Variants in CHL1 observed in about 807,000 individuals in gnomAD.
CHL1 encodes neural cell adhesion molecule L1-like protein.
CHL1 carries 96 observed loss-of-function variants against 141.9 expected under a neutral mutation model. The observed-to-expected ratio is 0.68, with a 90% CI of 0.57 to 0.80. The LOEUF is 0.80. Among genes scored for constraint, CHL1 ranks in the 30% least tolerant of loss-of-function variants. The probability of loss-of-function intolerance (pLI) is 0.00; values close to 1 mark genes in which losing one functional copy is unlikely to be tolerated. For missense variants in CHL1, 1,820 were observed against 1,457.2 expected, an observed-to-expected ratio of 1.25 and a Z score of -4.05; for synonymous variants, 613 against 502.2, an observed-to-expected ratio of 1.22 and a Z score of -2.95.
At chr3:254,446 G>T (rs1206363877) in intron 2 of CHL1, among the ~76,000 whole-genome samples, 1 of 152,174 alleles carries the variant, frequency 6.6e-6, no homozygotes, top group Non-Finnish European at 1.5e-5. Flanking sequence ...TCCAAGGTAT[G>T]ATCTGAGAAA....
At chr3:235,214 G>T (rs1691849105) in intron 1 of CHL1, among the ~76,000 whole-genome samples, 1 of 151,890 alleles carries the variant, frequency 6.6e-6, no homozygotes, top group Non-Finnish European at 1.5e-5. Context: ...AAGAACAAGA[G>T]TTTGCTTTAA....
intron 20 of CHL1, among the ~76,000 whole-genome samples, chr3:389,846 C>A: frequency 6.6e-6 from 1 of 152,188 alleles, no homozygotes; most frequent in East Asian, 1.9e-4. Context: ...GAGCCACTTG[C>A]TCTCATGCCC....
In CHL1 at chr3:203,013, G is replaced by A. The variant is rs553704560; in HGVS notation, c.-175+5950G>A. Among the ~76,000 whole-genome samples, 261 of 152,278 alleles carry A rather than the reference G, an allele frequency of 1.7e-3. 1 individual carries two copies. The highest frequency in any genetic ancestry group is 6.1e-3 in the African/African-American group (252 of 41,550). ...ACTTTGGGGTTTTGAATATTTCTCT[G>A]TTTTGCCTGCAGACTTCCAATGAGG... is the stretch of plus-strand genomic sequence containing the variant. On this transcript the variant is annotated intron_variant, in intron 1 of 27. Coordinates refer to ENST00000256509, the MANE Select transcript of CHL1 (RefSeq NM_006614.4).
chr3:311,800 C>A (rs1553561971), intron 2 of CHL1, among the ~76,000 whole-genome samples: 1 of 152,132 alleles, frequency 6.6e-6, no homozygotes, highest in Non-Finnish European at 1.5e-5. Context: ...TTTAGTACAT[C>A]TGAGATTTTT....
At chr3:402,727 AC>A (rs1298875086) in intron 27 of CHL1, among the ~76,000 whole-genome samples, 1 of 152,100 alleles carries the variant, frequency 6.6e-6, no homozygotes, top group Non-Finnish European at 1.5e-5. Context: ...CTTAGTCAAT[AC>A]CCTTTTTATA....
Position 277,243 on chromosome 3 carries a change from T to A in CHL1, c.-95+32551T>A, listed in dbSNP as rs567153295. On this transcript the variant is annotated intron_variant, in intron 2 of 27. Transcript: ENST00000256509. ...CTGCTTGAAAACTAAAGGATATTAT[T>A]TGATAAAGTGCTAAGATGTTCTCAG... Among the ~76,000 whole-genome samples, 9 of 152,298 alleles carry A rather than the reference T, an allele frequency of 5.9e-5. No homozygotes were observed. In the South Asian group the frequency reaches 1.9e-3, roughly 32 times the overall value.
At chr3:249,486 C>T (rs187951911) in intron 2 of CHL1, among the ~76,000 whole-genome samples, 8 of 152,206 alleles carry the variant, frequency 5.3e-5, no homozygotes, top group African/African-American at 1.7e-4. Flanking sequence ...GGATAGCATG[C>T]ATTATTAGAA....
At chr3:222,253 A>G (rs1256172018) in intron 1 of CHL1, among the ~76,000 whole-genome samples, 1 of 152,156 alleles carries the variant, frequency 6.6e-6, no homozygotes, top group Non-Finnish European at 1.5e-5. Flanking sequence ...TAGAAGCTCT[A>G]GGGGAGAATC....
intron 2 of CHL1, among the ~76,000 whole-genome samples, chr3:310,688 C>A (rs28615846): frequency 0.077 from 11,703 of 152,206 alleles, 552 homozygotes; most frequent in African/African-American, 0.12. Context: ...GTTATCAACA[C>A]CACCAGCAGT....
intron 2 of CHL1, among the ~76,000 whole-genome samples, chr3:255,866 G>T (rs548263150): frequency 1.3e-5 from 2 of 152,144 alleles, no homozygotes; most frequent in Admixed American, 6.5e-5. Context: ...TCTTTTTAAT[G>T]TCTACCCATT....
chr3:247,884 G>A (rs1693314831), intron 2 of CHL1: 1 of 152,116 alleles, frequency 6.6e-6, no homozygotes, highest in Non-Finnish European at 1.5e-5. Context: ...CTTCAGCAAT[G>A]ATGCTACCCC....
intron 4 of CHL1, 99 bp downstream of exon 4, chr3:326,163 C>A (rs569508508): frequency 7.2e-5 from 49 of 680,174 alleles, no homozygotes; most frequent in African/African-American, 7.1e-4. Flanking sequence ...TATGAATCCA[C>A]GCATGATTAA....
chr3:222,707 A>C (rs1006858914), intron 1 of CHL1, among the ~76,000 whole-genome samples: 1 of 152,192 alleles, frequency 6.6e-6, no homozygotes, highest in Non-Finnish European at 1.5e-5. Flanking sequence ...CTTGAAATAG[A>C]TAATGAGATA....
chr3:270,814 G>C (rs546563659), intron 2 of CHL1, among the ~76,000 whole-genome samples: 1 of 152,222 alleles, frequency 6.6e-6, no homozygotes, highest in South Asian at 2.1e-4. Context: ...CGTAGTGGAC[G>C]TCTGCTGCCA....
intron 2 of CHL1, among the ~76,000 whole-genome samples, chr3:297,864 C>T: frequency 6.6e-6 from 1 of 152,146 alleles, no homozygotes; most frequent in East Asian, 1.9e-4. Context: ...ACTCTTTACC[C>T]TGATGCAGGA....
intron 27 of CHL1, 27 bp downstream of exon 27, chr3:401,725 A>T: frequency 7.7e-7 from 1 of 1,296,086 alleles, no homozygotes; most frequent in Non-Finnish European, 1.1e-6. Flanking sequence ...GTTGTAAAAT[A>T]AAACACATAT....
chr3:269,836 CAGTATTAAGCAGCTGGGCTTG>C (rs1695482777), intron 2 of CHL1, among the ~76,000 whole-genome samples: 1 of 152,246 alleles, frequency 6.6e-6, no homozygotes, highest in African/African-American at 2.4e-5. Flanking sequence ...AAAACAGACC[CAGTATTAAGCAGCTGGGCTTG>C]AGCTGTTGCT....
At chr3:351,797 A>G (rs964378347) in intron 10 of CHL1, among the ~76,000 whole-genome samples, 4 of 152,178 alleles carry the variant, frequency 2.6e-5, no homozygotes, top group African/African-American at 9.6e-5. Context: ...TAAATATAAA[A>G]TCAGACTGCA....
chr3:209,248 C>A (rs1028315695), intron 1 of CHL1, among the ~76,000 whole-genome samples: 1 of 152,186 alleles, frequency 6.6e-6, no homozygotes, highest in Non-Finnish European at 1.5e-5. Context: ...TATATTATTT[C>A]AGCAGATGAC....
Sources: allele counts gnomAD v4.1 joint callset (sites outside exome capture counted in the v4.1 genomes callset), GRCh38; gene constraint gnomAD v4.1.1; transcripts MANE v1.5; gene names NCBI Gene and HGNC (gene_info 2026-07-23, HGNC 2026-07-21).